PKP4: variants seen among roughly 807,000 people sequenced by gnomAD.
PKP4 encodes the protein plakophilin-4.
In PKP4, 90 loss-of-function variants were observed where a neutral mutation model predicts 145.1. That is an observed-to-expected ratio of 0.62 (90% CI 0.52 to 0.74). PKP4 has a LOEUF of 0.74. Ranked by LOEUF, PKP4 falls within the 30% of genes least tolerant of loss-of-function variation. PKP4 has a pLI of 0.00. For synonymous variants in PKP4, 563 were observed against 577.2 expected (o/e 0.98, Z 0.35); for missense variants, 1,340 against 1,482.7 (o/e 0.90, Z 1.58).
chr2:158,560,940 G>A (rs144935859), intron 2 of PKP4, among the ~76,000 whole-genome samples: 3 of 152,252 alleles, frequency 2.0e-5, no homozygotes, highest in African/African-American at 4.8e-5. Flanking sequence ...TTGTCAAATC[G>A]TATGCCTTTA....
intron 1 of PKP4, among the ~76,000 whole-genome samples, chr2:158,528,805 A>G (rs555914614): frequency 1.3e-5 from 2 of 152,132 alleles, no homozygotes; most frequent in Non-Finnish European, 1.5e-5. Flanking sequence ...TTGTATAGCC[A>G]AAGAGAAAAC....
intron 2 of PKP4, among the ~76,000 whole-genome samples, chr2:158,550,546 G>A (rs1401725222): frequency 1.3e-5 from 2 of 152,210 alleles, no homozygotes; most frequent in African/African-American, 4.8e-5. Flanking sequence ...CTGATGGGGT[G>A]TGATTTCTAG....
intron 1 of PKP4, among the ~76,000 whole-genome samples, chr2:158,463,717 A>AT (rs961343275): frequency 2.0e-5 from 3 of 152,124 alleles, no homozygotes; most frequent in African/African-American, 4.8e-5. Flanking sequence ...AAGCCATTAC[A>AT]TTTTTTCCTC....
At position 158,625,130 on chromosome 2, in the gene PKP4, C is replaced by CCCCAACA; in HGVS notation, c.856_857insCCCAACA (p.Arg286ProfsTer77). The CCCCAACA allele has an allele frequency of 6.2e-7, 1 of 1,614,188 alleles. No individual in the cohort carries two copies. Among genetic ancestry groups the CCCCAACA allele is most frequent in the Non-Finnish European group, 8.5e-7 (1 of 1,180,042 alleles). On this transcript the variant is annotated frameshift_variant, in exon 7 of 22. Coordinates refer to ENST00000389759, the MANE Select transcript of PKP4 (RefSeq NM_003628.6). LOFTEE classifies it high-confidence loss of function. ...GAGACCCGCCTCCCCAACAGCTATA[C>CCCCAACA]GGCGGATTGGGTCAGTCACCTCCCG...
intron 1 of PKP4, among the ~76,000 whole-genome samples, chr2:158,500,830 T>C (rs1319754713): frequency 1.3e-5 from 2 of 152,234 alleles, no homozygotes; most frequent in Non-Finnish European, 2.9e-5. Flanking sequence ...GTTTTGCCTT[T>C]AGAAGCTATC....
At chr2:158,599,894 T>G (rs1052375942) in intron 3 of PKP4, among the ~76,000 whole-genome samples, 2 of 152,164 alleles carry the variant, frequency 1.3e-5, no homozygotes, top group African/African-American at 2.4e-5. Context: ...AGCAGGTAAT[T>G]TTCTGACTCC....
intron 1 of PKP4, among the ~76,000 whole-genome samples, chr2:158,478,653 G>A (rs967439469): frequency 2.6e-5 from 4 of 152,210 alleles, no homozygotes; most frequent in African/African-American, 4.8e-5. Flanking sequence ...TATCCACATA[G>A]TATTTTGGTA....
At chr2:158,629,715 A>G (rs908472381) in intron 7 of PKP4, among the ~76,000 whole-genome samples, 2 of 48,686 alleles carry the variant, frequency 4.1e-5, no homozygotes, top group Admixed American at 2.9e-4. Flanking sequence ...GATGGGAGCA[A>G]TCTTTTTTTT....
At chr2:158,618,047 G>A (rs1437581358) in intron 4 of PKP4, among the ~76,000 whole-genome samples, 1 of 152,190 alleles carries the variant, frequency 6.6e-6, no homozygotes, top group Non-Finnish European at 1.5e-5. Flanking sequence ...GCCAGGCATG[G>A]TGGAACACAT....
At chr2:158,641,926 C>A (rs2105932544) in intron 10 of PKP4, among the ~76,000 whole-genome samples, 1 of 152,234 alleles carries the variant, frequency 6.6e-6, no homozygotes, top group Non-Finnish European at 1.5e-5. Flanking sequence ...GTGCTGCCTG[C>A]CGATGGACAT....
chr2:158,457,479 C>G (rs770939940), intron 1 of PKP4: 1 of 152,478 alleles, frequency 6.6e-6, no homozygotes, highest in Non-Finnish European at 1.5e-5. Flanking sequence ...GATTCCTCTC[C>G]CCGGTCTCCC....
At chr2:158,502,564 G>A (rs59039497) in intron 1 of PKP4, among the ~76,000 whole-genome samples, 4,960 of 152,090 alleles carry the variant, frequency 0.033, 182 homozygotes, top group East Asian at 0.14. Context: ...CCTTCTTCCC[G>A]GTCCCCTTCC....
At chr2:158,606,238 G>T (rs1448016497) in intron 4 of PKP4, among the ~76,000 whole-genome samples, 1 of 151,874 alleles carries the variant, frequency 6.6e-6, no homozygotes, top group East Asian at 1.9e-4. Flanking sequence ...AAAAATAACG[G>T]TTCTACAGGA....
chr2:158,649,871 A>G (rs369686329), intron 11 of PKP4, among the ~76,000 whole-genome samples: 11 of 152,340 alleles, frequency 7.2e-5, no homozygotes, highest in South Asian at 4.1e-4. Flanking sequence ...GTTTCTGAGT[A>G]TGATGCTCTA....
At chr2:158,468,714 G>A (rs997573635) in intron 1 of PKP4, among the ~76,000 whole-genome samples, 1 of 151,430 alleles carries the variant, frequency 6.6e-6, no homozygotes, top group Non-Finnish European at 1.5e-5. Flanking sequence ...TTTAAAAGGT[G>A]AGGATTGTTT....
intron 1 of PKP4, among the ~76,000 whole-genome samples, chr2:158,504,976 C>A (rs1697104858): frequency 6.6e-6 from 1 of 152,258 alleles, no homozygotes; most frequent in Non-Finnish European, 1.5e-5. Flanking sequence ...TATCAGTCTT[C>A]ACAAAGATGC....
chr2:158,549,142 G>A, intron 2 of PKP4: 1 of 200,868 alleles, frequency 5.0e-6, no homozygotes, highest in South Asian at 1.0e-4. Flanking sequence ...TGGGGAGGCA[G>A]TGTCCTGGGT....
At chr2:158,487,334 A>G (rs1409288265) in intron 1 of PKP4, among the ~76,000 whole-genome samples, 5 of 152,224 alleles carry the variant, frequency 3.3e-5, no homozygotes, top group Admixed American at 6.5e-5. Context: ...TGTCTTCACC[A>G]TAATCTTTGG....
chr2:158,568,336 C>T (rs916997603), intron 2 of PKP4, among the ~76,000 whole-genome samples: 2 of 152,034 alleles, frequency 1.3e-5, no homozygotes, highest in African/African-American at 2.4e-5. Context: ...TAAACTCCAT[C>T]TACGAAAGAA....
Sources: gnomAD v4.1 joint callset for allele counts (sites outside exome capture counted in the v4.1 genomes callset) on GRCh38, gnomAD v4.1.1 for gene constraint, MANE v1.5 for transcripts, NCBI Gene and HGNC (gene_info 2026-07-23, HGNC 2026-07-21) for gene names.